DPY19L1: variants seen among roughly 807,000 people sequenced by gnomAD.
The protein encoded by DPY19L1 is dpy-19 like C-mannosyltransferase 1.
Under a neutral mutation model 96.9 loss-of-function variants are expected in DPY19L1, and 35 were observed. The ratio of observed to expected loss-of-function variants is 0.36; its 90% confidence interval spans 0.28 to 0.48. The LOEUF (loss-of-function observed/expected upper bound fraction) is 0.48. DPY19L1 is among the 20% of genes least tolerant of loss of function. The pLI, the probability that DPY19L1 is intolerant of heterozygous loss-of-function variation, is 0.99. For missense variants in DPY19L1, 521 were observed against 777.9 expected (o/e 0.67, Z 3.93); for synonymous variants, 205 against 252.6 (o/e 0.81, Z 1.79).
intron 7 of DPY19L1, among the ~76,000 whole-genome samples, chr7:34,982,405 AAG>A (rs1784958851): frequency 1.3e-5 from 2 of 152,228 alleles, no homozygotes; most frequent in Admixed American, 6.5e-5. Context: ...GTGTTTGTAT[AAG>A]AGAGACAGCA....
chr7:34,987,776 G>C (rs1785082227), intron 7 of DPY19L1, among the ~76,000 whole-genome samples: 1 of 151,860 alleles, frequency 6.6e-6, no homozygotes, highest in Admixed American at 6.6e-5. Context: ...GAAAAAAATA[G>C]GGTCTGAAGA....
intron 1 of DPY19L1, among the ~76,000 whole-genome samples, chr7:35,031,006 T>C (rs1786246958): frequency 6.6e-6 from 1 of 152,170 alleles, no homozygotes; most frequent in African/African-American, 2.4e-5. Context: ...AAGAGTAATG[T>C]CTCAATGGTT....
chr7:34,948,638 AGTAT>A (rs1449358016), intron 14 of DPY19L1, among the ~76,000 whole-genome samples: 3 of 152,266 alleles, frequency 2.0e-5, no homozygotes, highest in African/African-American at 7.2e-5. Flanking sequence ...AGACTGTAGC[AGTAT>A]GTATGATGTT....
chr7:34,993,529 A>G (rs1785217980), intron 6 of DPY19L1, among the ~76,000 whole-genome samples: 1 of 151,128 alleles, frequency 6.6e-6, no homozygotes, highest in South Asian at 2.1e-4. Context: ...ACCCCCAACT[A>G]CTCTTATTTT....
At chr7:35,016,738 A>C (rs1479957618) in intron 3 of DPY19L1, among the ~76,000 whole-genome samples, 1 of 152,234 alleles carries the variant, frequency 6.6e-6, no homozygotes, top group Non-Finnish European at 1.5e-5. Context: ...CCACCTAGGA[A>C]GTATTCCTGC....
Position 34,989,958 on chromosome 7 carries a change from CAT to C in DPY19L1, c.765-19_765-18del. ...CGGCTGCCACTGGAAAAGAAGAAAA[CAT>C]AACTCAAATAACAAAAATTCAGGTC... On this transcript the variant is annotated intron_variant, in intron 6 of 21. Transcript: ENST00000638088. 1 of 1,600,694 alleles carries C rather than the reference CAT, an allele frequency of 6.2e-7. No individual in the cohort carries two copies. The highest frequency in any genetic ancestry group is 8.5e-7 in the Non-Finnish European group (1 of 1,175,562).
intron 7 of DPY19L1, among the ~76,000 whole-genome samples, chr7:34,985,656 C>CA (rs749501498): frequency 2.0e-5 from 3 of 151,726 alleles, no homozygotes; most frequent in Non-Finnish European, 4.4e-5. Flanking sequence ...AGGCTATTAT[C>CA]AAAAAAGACA....
At chr7:35,037,915 GA>G (rs1176036079), upstream of DPY19L1, 5 of 1,237,102 alleles carry the variant, frequency 4.0e-6, no homozygotes, top group African/African-American at 7.8e-5. Flanking sequence ...TGATGGGGCC[GA>G]AGGAAGAGCC....
intron 21 of DPY19L1, among the ~76,000 whole-genome samples, chr7:34,935,791 C>T (rs1783856228): frequency 6.6e-6 from 1 of 152,256 alleles, no homozygotes; most frequent in Non-Finnish European, 1.5e-5. Flanking sequence ...AAACTTCCTA[C>T]TCTAAATGTA....
chr7:34,961,843 T>C (rs1354796745), intron 10 of DPY19L1, among the ~76,000 whole-genome samples: 1 of 152,028 alleles, frequency 6.6e-6, no homozygotes, highest in African/African-American at 2.4e-5. Flanking sequence ...CCAAAAAAGA[T>C]ACACAGATGG....
chr7:35,006,941 C>T (rs576337755), intron 6 of DPY19L1, among the ~76,000 whole-genome samples: 1 of 152,308 alleles, frequency 6.6e-6, no homozygotes, highest in East Asian at 1.9e-4. Flanking sequence ...ACTTTTATTT[C>T]TCAGTACATA....
chr7:34,996,022 G>C (rs183114382), intron 6 of DPY19L1, among the ~76,000 whole-genome samples: 53 of 152,268 alleles, frequency 3.5e-4, no homozygotes, highest in Admixed American at 3.4e-3. Flanking sequence ...TTCTCAGCTT[G>C]GTCCTTTCCA....
chr7:35,005,937 G>C (rs1466778223), intron 6 of DPY19L1, among the ~76,000 whole-genome samples: 1 of 152,168 alleles, frequency 6.6e-6, no homozygotes, highest in Non-Finnish European at 1.5e-5. Flanking sequence ...CAAAGAACTG[G>C]CAGCCAGTAG....
chr7:35,001,289 T>G (rs1294160553), intron 6 of DPY19L1, among the ~76,000 whole-genome samples: 2 of 152,238 alleles, frequency 1.3e-5, no homozygotes, highest in East Asian at 3.8e-4. Flanking sequence ...TAGTAAAGCT[T>G]ATGTGATAGA....
At chr7:35,036,368 G>A (rs1234882978) in intron 1 of DPY19L1, among the ~76,000 whole-genome samples, 1 of 151,770 alleles carries the variant, frequency 6.6e-6, no homozygotes, top group Admixed American at 6.6e-5. Flanking sequence ...CCAGGAAACA[G>A]AGGAAACCTG....
intron 6 of DPY19L1, among the ~76,000 whole-genome samples, chr7:34,993,001 C>A (rs1460888804): frequency 6.6e-6 from 1 of 152,096 alleles, no homozygotes; most frequent in Non-Finnish European, 1.5e-5. Flanking sequence ...GTTCGTGTTC[C>A]TGAGTGGTCT....
At chr7:34,972,095 CA>C (rs1784735948) in intron 8 of DPY19L1, among the ~76,000 whole-genome samples, 1 of 152,162 alleles carries the variant, frequency 6.6e-6, no homozygotes, top group Non-Finnish European at 1.5e-5. Flanking sequence ...GAAGGAGCCA[CA>C]AGCCAAGAAA....
At chr7:34,997,609 CAAAA>C (rs3048611) in intron 6 of DPY19L1, among the ~76,000 whole-genome samples, 1 of 75,658 alleles carries the variant, frequency 1.3e-5, no homozygotes, top group East Asian at 3.9e-4. Flanking sequence ...GACTCCGTCT[CAAAA>C]AAAAAAAAAA....
At chr7:34,976,786 G>C (rs1443975850) in intron 7 of DPY19L1, among the ~76,000 whole-genome samples, 1 of 152,092 alleles carries the variant, frequency 6.6e-6, no homozygotes, top group Non-Finnish European at 1.5e-5. Context: ...ATCACTGGCA[G>C]TTTGTTTGTG....
Sources: allele counts gnomAD v4.1 joint callset (sites outside exome capture counted in the v4.1 genomes callset), GRCh38; gene constraint gnomAD v4.1.1; transcripts MANE v1.5; gene names NCBI Gene and HGNC (gene_info 2026-07-23, HGNC 2026-07-21).